Variants in ACP6 observed in about 807,000 individuals in gnomAD.
ACP6 encodes acid phosphatase 6, lysophosphatidic.
A neutral mutation model predicts 48.1 loss-of-function variants in ACP6; 48 were observed. That is an observed-to-expected ratio of 1.00 (90% confidence interval 0.79 to 1.27). ACP6 has a LOEUF of 1.27. ACP6 is among the 50% of genes most tolerant of loss of function. The pLI is 0.00. For missense variants in ACP6, 485 were observed against 529.1 expected (o/e 0.92, Z 0.82); for synonymous variants, 172 against 204.2 (o/e 0.84, Z 1.34).
downstream of ACP6, among the ~76,000 whole-genome samples, chr1:147,637,590 C>T (rs1553208208): frequency 6.6e-6 from 1 of 152,154 alleles, no homozygotes; most frequent in African/African-American, 2.4e-5. Context: ...CAGGATGGAA[C>T]ATCACTTCCT....
chr1:147,650,753 T>C (rs2148904702), intron 7 of ACP6: 1 of 152,454 alleles, frequency 6.6e-6, no homozygotes, highest in Non-Finnish European at 1.5e-5. Context: ...AGTTCAGTGG[T>C]CGTGCTCCCA....
At chr1:147,637,924 T>G (rs587775446), downstream of ACP6, among the ~76,000 whole-genome samples, 1 of 152,348 alleles carries the variant, frequency 6.6e-6, no homozygotes, top group African/African-American at 2.4e-5. Context: ...GTATCTTTAC[T>G]CAGTTGTATT....
chr1:147,654,129 C>A, intron 6 of ACP6, 65 bp downstream of exon 6: 2 of 1,582,830 alleles, frequency 1.3e-6, no homozygotes, highest in East Asian at 2.2e-5. Flanking sequence ...TCTCTCCACC[C>A]GGTTCTAACT....
At chr1:147,659,197 T>C (rs2148911739) in intron 3 of ACP6, 158 bp from the exon 4 acceptor site, 1 of 1,048,598 alleles carries the variant, frequency 9.5e-7, no homozygotes, top group Non-Finnish European at 1.4e-6. Context: ...TGTCAGCCCC[T>C]GAGAGACTCG....
At chr1:147,667,929 G>A (rs1392325389) in intron 1 of ACP6, among the ~76,000 whole-genome samples, 1 of 151,958 alleles carries the variant, frequency 6.6e-6, no homozygotes, top group South Asian at 2.1e-4. Context: ...GGCGGAGGTT[G>A]CGGTGAGCCG....
intron 5 of ACP6, 98 bp downstream of exon 5, chr1:147,655,063 G>T: frequency 1.8e-5 from 17 of 952,662 alleles, no homozygotes; most frequent in Non-Finnish European, 2.8e-5. Flanking sequence ...TCGCCAGTAG[G>T]GTAAGCCTGG....
At chr1:147,638,215 C>G (rs1337475164), downstream of ACP6, among the ~76,000 whole-genome samples, 1 of 152,196 alleles carries the variant, frequency 6.6e-6, no homozygotes, top group Non-Finnish European at 1.5e-5. Context: ...CAAATAATCG[C>G]TAATATTGTT....
chr1:147,658,423 AG>A (rs1660364168), intron 4 of ACP6, among the ~76,000 whole-genome samples: 1 of 152,184 alleles, frequency 6.6e-6, no homozygotes, highest in Non-Finnish European at 1.5e-5. Flanking sequence ...GGGATCCATG[AG>A]GGAAAATAAT....
At chr1:147,641,368 G>A (rs1570941633), downstream of ACP6, among the ~76,000 whole-genome samples, 3 of 152,302 alleles carry the variant, frequency 2.0e-5, no homozygotes, top group Non-Finnish European at 2.9e-5. Flanking sequence ...ACTGTTACAG[G>A]GGAATAGGCA....
Position 147,644,319 on chromosome 1 carries a change from A to C in ACP6, c.*3104T>G, listed in dbSNP as rs1659545294. On this transcript the variant is annotated 3_prime_UTR_variant, in exon 10 of 10. Transcript: ENST00000583509. ...TCTGTCAACTAAAAAGAAAGTAAAA[A>C]GTTTTTATTACAAAAAAGAAGAAGA... 6.6e-6 allele frequency: 1 copy of C among 152,216 alleles called. No individual in the cohort carries two copies. The highest frequency in any genetic ancestry group is 1.5e-5 in the Non-Finnish European group (1 of 68,046). 9.4% of individuals were successfully genotyped at this position (152,216 alleles called of 1,614,324 possible). A position where few individuals can be genotyped will look rare whatever the true frequency, so the allele number is the denominator to read the frequency against.
At chr1:147,636,628 C>A (rs1553208025) in intron 5 of ACP6, among the ~76,000 whole-genome samples, 2 of 152,340 alleles carry the variant, frequency 1.3e-5, no homozygotes, top group African/African-American at 4.8e-5. Flanking sequence ...TTTGAGCTGG[C>A]TGCTTCACAT....
intron 5 of ACP6, among the ~76,000 whole-genome samples, chr1:147,654,907 G>C (rs1389813406): frequency 2.0e-5 from 3 of 152,234 alleles, no homozygotes; most frequent in African/African-American, 7.2e-5. Flanking sequence ...ACTCGTGGCT[G>C]TATGTATCAT....
Position 147,670,132 on chromosome 1 carries a change from C to T in ACP6, c.-84G>A, listed in dbSNP as rs1304263673. The T allele has an allele frequency of 3.0e-6, 4 of 1,319,772 alleles. No homozygotes were observed. In the African/African-American group the frequency reaches 5.9e-5, roughly 20 times the overall value. 81.8% of individuals were successfully genotyped at this position (1,319,772 alleles called of 1,614,324 possible). ...TGCGGGCGCCGGGGCTCAGCGGGCG[C>T]CCCCAAGTCCGCGGGAACCTGCGGA... On this transcript the variant is annotated 5_prime_UTR_variant, in exon 1 of 10. Coordinates refer to ENST00000583509, the MANE Select transcript of ACP6 (RefSeq NM_016361.5).
chr1:147,663,244 GA>G (rs770062806), intron 1 of ACP6, among the ~76,000 whole-genome samples: 26 of 152,088 alleles, frequency 1.7e-4, no homozygotes, highest in Non-Finnish European at 2.9e-4. Flanking sequence ...AGAATCTAAA[GA>G]AGTCAAAGTC....
downstream of ACP6, among the ~76,000 whole-genome samples, chr1:147,641,924 CCA>C (rs1659463874): frequency 6.6e-6 from 1 of 152,104 alleles, no homozygotes; most frequent in Non-Finnish European, 1.5e-5. Flanking sequence ...GCGAAACCTA[CCA>C]CAGTTAAGAA....
intron 9 of ACP6, 187 bp downstream of exon 9, chr1:147,648,059 C>CCA: frequency 1.6e-6 from 1 of 637,026 alleles, no homozygotes; most frequent in Non-Finnish European, 2.7e-6. Context: ...CCCCATCCTG[C>CCA]CACCATCTGT....
chr1:147,633,306 T>C (rs1553207601), intron 5 of ACP6, among the ~76,000 whole-genome samples: 1 of 152,184 alleles, frequency 6.6e-6, no homozygotes. Context: ...AATGCCCTGG[T>C]CCATCAATTA....
intron 5 of ACP6, among the ~76,000 whole-genome samples, chr1:147,633,507 C>CTT (rs1273370053): frequency 0.95 from 140,349 of 147,208 alleles, 66,992 homozygotes; most frequent in South Asian, 0.98. Context: ...GCAAAAGTTT[C>CTT]TTTTTTTTTT....
intron 1 of ACP6, among the ~76,000 whole-genome samples, chr1:147,660,277 A>T (rs1416539411): frequency 6.6e-6 from 1 of 152,184 alleles, no homozygotes; most frequent in Non-Finnish European, 1.5e-5. Flanking sequence ...CCATCTCAGA[A>T]GATGTTGCTT....
Sources: allele counts gnomAD v4.1 joint callset (sites outside exome capture counted in the v4.1 genomes callset), GRCh38; gene constraint gnomAD v4.1.1; transcripts MANE v1.5; gene names NCBI Gene and HGNC (gene_info 2026-07-23, HGNC 2026-07-21).